Variants in GALNT17 observed in about 807,000 individuals in gnomAD.
The protein encoded by GALNT17 is polypeptide N-acetylgalactosaminyltransferase 17.
A neutral mutation model predicts 63.7 loss-of-function variants in GALNT17; 29 were observed. That is an observed-to-expected ratio of 0.46 (90% CI 0.34 to 0.62). The LOEUF is 0.62. Among genes scored for constraint, GALNT17 ranks in the 20% least tolerant of loss-of-function variants. GALNT17 has a pLI of 0.01. For missense variants in GALNT17, 603 were observed against 799.6 expected (o/e 0.75, Z 2.97); for synonymous variants, 305 against 318.3 (o/e 0.96, Z 0.45).
chr7:71,542,386 A>G (rs1188610960), intron 5 of GALNT17, among the ~76,000 whole-genome samples: 1 of 152,056 alleles, frequency 6.6e-6, no homozygotes, highest in Non-Finnish European at 1.5e-5. Context: ...ATTTTTCTGC[A>G]ACTCTAGGAG....
At chr7:71,238,330 T>A (rs1789933911) in intron 1 of GALNT17, among the ~76,000 whole-genome samples, 1 of 152,148 alleles carries the variant, frequency 6.6e-6, no homozygotes, top group African/African-American at 2.4e-5. Context: ...CCCAGAAGCC[T>A]TTCACATTTG....
intron 1 of GALNT17, among the ~76,000 whole-genome samples, chr7:71,223,322 TG>T (rs1318133443): frequency 6.6e-6 from 1 of 152,200 alleles, no homozygotes; most frequent in Non-Finnish European, 1.5e-5. Flanking sequence ...AAGGAAGAAT[TG>T]TCCCTTCTAT....
chr7:71,265,118 A>ATATATATATATTTT (rs1390488895), intron 1 of GALNT17, among the ~76,000 whole-genome samples: 3 of 37,456 alleles, frequency 8.0e-5, no homozygotes, highest in African/African-American at 1.4e-4. Flanking sequence ...ATATATATAT[A>ATATATATATATTTT]TTTTTTTTTT....
intron 5 of GALNT17, among the ~76,000 whole-genome samples, chr7:71,458,134 G>C (rs1185740064): frequency 6.6e-6 from 1 of 152,092 alleles, no homozygotes; most frequent in Non-Finnish European, 1.5e-5. Flanking sequence ...CAGCAGGCTT[G>C]GCCAGTCCTT....
intron 1 of GALNT17, among the ~76,000 whole-genome samples, chr7:71,239,495 T>TA (rs1442792429): frequency 3.9e-5 from 6 of 152,062 alleles, no homozygotes; most frequent in African/African-American, 9.6e-5. Flanking sequence ...ATAAATGAAA[T>TA]AAAAAAATAC....
intron 1 of GALNT17, among the ~76,000 whole-genome samples, chr7:71,294,791 A>G (rs1487999603): frequency 6.6e-6 from 1 of 152,154 alleles, no homozygotes; most frequent in African/African-American, 2.4e-5. Context: ...TTATGTTATT[A>G]TCTATAGGTT....
chr7:71,329,344 T>C (rs1018292889), intron 1 of GALNT17, among the ~76,000 whole-genome samples: 2 of 152,134 alleles, frequency 1.3e-5, no homozygotes, highest in Non-Finnish European at 2.9e-5. Context: ...TGGTAGTCTT[T>C]TAGCTGTCTT....
chr7:71,172,487 G>A (rs1788563896), intron 1 of GALNT17, among the ~76,000 whole-genome samples: 1 of 151,386 alleles, frequency 6.6e-6, no homozygotes, highest in African/African-American at 2.4e-5. Flanking sequence ...AAAGAACTAT[G>A]GATGAAGCTA....
chr7:71,460,325 T>C (rs1787431399), intron 5 of GALNT17, among the ~76,000 whole-genome samples: 1 of 152,194 alleles, frequency 6.6e-6, no homozygotes, highest in Non-Finnish European at 1.5e-5. Flanking sequence ...AGATTCTTAT[T>C]ACCTAAATAA....
intron 9 of GALNT17, among the ~76,000 whole-genome samples, chr7:71,692,299 C>G (rs1791458951): frequency 6.6e-6 from 1 of 152,104 alleles, no homozygotes; most frequent in South Asian, 2.1e-4. Flanking sequence ...CATGGTCCTG[C>G]CACCCTACAA....
chr7:71,699,493 A>G (rs625208), intron 9 of GALNT17, among the ~76,000 whole-genome samples: 23,540 of 148,716 alleles, frequency 0.16, 2,297 homozygotes, highest in Non-Finnish European at 0.22. Flanking sequence ...AAAAAAACCC[A>G]AAAAACAAAA....
At chr7:71,198,656 G>C (rs1489377294) in intron 1 of GALNT17, among the ~76,000 whole-genome samples, 1 of 152,236 alleles carries the variant, frequency 6.6e-6, no homozygotes, top group African/African-American at 2.4e-5. Context: ...TATAGCTTGG[G>C]AAGATAGGTA....
At chr7:71,320,270 T>C (rs1478647968) in intron 1 of GALNT17, among the ~76,000 whole-genome samples, 1 of 152,124 alleles carries the variant, frequency 6.6e-6, no homozygotes, top group Non-Finnish European at 1.5e-5. Context: ...AGTGTCTTGC[T>C]CCATCACCCA....
chr7:71,685,948 A>ATTTTTTTTTT (rs3062958), intron 9 of GALNT17, among the ~76,000 whole-genome samples: 6 of 59,816 alleles, frequency 1.0e-4, no homozygotes, highest in Admixed American at 3.2e-4. Context: ...GGCAATTACT[A>ATTTTTTTTTT]TTTTTTTTTT....
At chr7:71,151,283 C>G (rs1464200630) in intron 1 of GALNT17, among the ~76,000 whole-genome samples, 1 of 152,118 alleles carries the variant, frequency 6.6e-6, no homozygotes, top group East Asian at 1.9e-4. Flanking sequence ...TGGATGCCAC[C>G]TATTTCTAGG....
intron 6 of GALNT17, among the ~76,000 whole-genome samples, chr7:71,634,809 C>T (rs1021973573): frequency 5.3e-5 from 8 of 151,386 alleles, no homozygotes; most frequent in Non-Finnish European, 1.0e-4. Flanking sequence ...TGGTTTGGTC[C>T]AGAAAGGCTG....
At chr7:71,525,736 C>CTTTTTTTTT (rs71089950) in intron 5 of GALNT17, among the ~76,000 whole-genome samples, 5 of 75,060 alleles carry the variant, frequency 6.7e-5, no homozygotes, top group African/African-American at 9.9e-5. Context: ...TATGTCTTTT[C>CTTTTTTTTT]TTTTTTTTTT....
intron 1 of GALNT17, among the ~76,000 whole-genome samples, chr7:71,184,988 CTTCCTTCCTTCT>C (rs1357386264): frequency 1.6e-4 from 20 of 123,338 alleles, no homozygotes; most frequent in Admixed American, 5.0e-4. Context: ...TCCTTCCTTC[CTTCCTTCCTTCT>C]TCCTTCCCTC....
At chr7:71,173,351 T>C (rs774648163) in intron 1 of GALNT17, among the ~76,000 whole-genome samples, 6 of 152,224 alleles carry the variant, frequency 3.9e-5, no homozygotes, top group Non-Finnish European at 8.8e-5. Context: ...GCTGCATCTC[T>C]TGGGCTGTGC....
Sources: gnomAD v4.1 joint callset for allele counts (sites outside exome capture counted in the v4.1 genomes callset) on GRCh38, gnomAD v4.1.1 for gene constraint, MANE v1.5 for transcripts, NCBI Gene and HGNC (gene_info 2026-07-23, HGNC 2026-07-21) for gene names.